Variants in ABHD3 observed in about 807,000 individuals in gnomAD.
ABHD3 encodes the protein phospholipase ABHD3.
A neutral mutation model predicts 48.8 loss-of-function variants in ABHD3; 46 were observed. That is an observed-to-expected ratio of 0.94 (90% CI 0.74 to 1.20). The LOEUF is 1.20. Among genes scored for constraint, ABHD3 ranks in the 50% most tolerant of loss-of-function variants. The pLI, the probability that ABHD3 is intolerant of heterozygous loss-of-function variation, is 0.00. For synonymous variants in ABHD3, 192 were observed against 183.7 expected, an observed-to-expected ratio of 1.04 and a Z score of -0.36; for missense variants, 490 against 497.8, an observed-to-expected ratio of 0.98 and a Z score of 0.15.
At chr18:21,660,317 C>G (rs772406029) in intron 5 of ABHD3, among the ~76,000 whole-genome samples, 10 of 151,746 alleles carry the variant, frequency 6.6e-5, no homozygotes, top group African/African-American at 1.7e-4. Flanking sequence ...CACCCTGTGG[C>G]AAGTTTCTAA....
intron 4 of ABHD3, among the ~76,000 whole-genome samples, chr18:21,672,666 G>A (rs1478787711): frequency 2.0e-5 from 3 of 152,204 alleles, no homozygotes; most frequent in Non-Finnish European, 2.9e-5. Context: ...ACAGTGTGAT[G>A]TGGTTTTCAT....
chr18:21,690,392 A>G (rs2040220634), intron 3 of ABHD3, among the ~76,000 whole-genome samples: 1 of 152,160 alleles, frequency 6.6e-6, no homozygotes, highest in Non-Finnish European at 1.5e-5. Flanking sequence ...ACTTGAGGTC[A>G]GGAGTTTGAA....
chr18:21,678,611 CTGAGT>C (rs1478671806), intron 4 of ABHD3, among the ~76,000 whole-genome samples: 9 of 120,060 alleles, frequency 7.5e-5, no homozygotes, highest in African/African-American at 3.7e-4. Flanking sequence ...CAAATCTTGG[CTGAGT>C]TATTTGTAAA....
chr18:21,667,236 T>A (rs2039654597), intron 4 of ABHD3, among the ~76,000 whole-genome samples: 1 of 61,234 alleles, frequency 1.6e-5, no homozygotes, highest in African/African-American at 1.3e-4. Context: ...ACCACACCCT[T>A]TTTTTTTTTT....
At chr18:21,684,066 G>T (rs373203665) in intron 3 of ABHD3, 101 bp from the exon 4 acceptor site, 2 of 1,060,604 alleles carry the variant, frequency 1.9e-6, no homozygotes, top group Non-Finnish European at 2.7e-6. Flanking sequence ...AGCACTAAAA[G>T]ATTTTAAAAA....
Position 21,664,231 on chromosome 18 carries a change from C to A in ABHD3, c.556-1G>T, listed in dbSNP as rs911378498. 1.9e-6 allele frequency: 3 copies of A among 1,604,636 alleles called. No individual in the cohort carries two copies. In the African/African-American group the frequency reaches 4.0e-5, roughly 22 times the overall value. ...TAGCACAACAATAAGTCCTTGGCGT[C>A]TGGAAGTAGTGACAAGTAAAGCACA... On this transcript the variant is annotated splice_acceptor_variant, in intron 4 of 8. Transcript: ENST00000289119. LOFTEE classifies it high-confidence loss of function.
At chr18:21,680,344 A>C (rs2039977930) in intron 4 of ABHD3, among the ~76,000 whole-genome samples, 1 of 152,182 alleles carries the variant, frequency 6.6e-6, no homozygotes, top group East Asian at 1.9e-4. Flanking sequence ...GTGAACTTGA[A>C]ACATCCTTGT....
chr18:21,692,139 G>A (rs568001758), intron 3 of ABHD3, among the ~76,000 whole-genome samples: 29 of 152,092 alleles, frequency 1.9e-4, no homozygotes, highest in Admixed American at 9.2e-4. Context: ...TAGTAGTGAC[G>A]GGGTTTCACC....
At chr18:21,691,023 A>G (rs966753012) in intron 3 of ABHD3, among the ~76,000 whole-genome samples, 1 of 151,182 alleles carries the variant, frequency 6.6e-6, no homozygotes, top group Non-Finnish European at 1.5e-5. Flanking sequence ...AAAAAAGAGC[A>G]AGATCTAACT....
chr18:21,688,838 GGTGA>G (rs2040182562), intron 3 of ABHD3, among the ~76,000 whole-genome samples: 1 of 152,174 alleles, frequency 6.6e-6, no homozygotes. Flanking sequence ...AAAGATATAA[GGTGA>G]GTATGTATTA....
rs770728465 is a variant in ABHD3 at position 21,704,700 on chromosome 18, G to C, written c.-35C>G. 1 of 1,382,186 alleles carries C rather than the reference G, an allele frequency of 7.2e-7. No homozygotes were observed. Among genetic ancestry groups the C allele is most frequent in the African/African-American group, 2.0e-5 (1 of 51,142 alleles). 85.6% of individuals were successfully genotyped at this position (1,382,186 alleles called of 1,614,324 possible). A position where few individuals can be genotyped will look rare whatever the true frequency, so the allele number is the denominator to read the frequency against. ...GCGCGGCGCGCGGGTCCTGCGGCGG[G>C]AGGAGAGCCGGCTGGCGAGCGGGCG... On this transcript the variant is annotated 5_prime_UTR_variant, in exon 1 of 9. Transcript: ENST00000289119.
At chr18:21,685,360 T>C (rs1225114879) in intron 3 of ABHD3, among the ~76,000 whole-genome samples, 2 of 152,238 alleles carry the variant, frequency 1.3e-5, no homozygotes, top group African/African-American at 4.8e-5. Flanking sequence ...ACCAGCTTCA[T>C]TTAATGTGGT....
chr18:21,689,185 TCTC>T (rs1029258368), intron 3 of ABHD3, among the ~76,000 whole-genome samples: 1 of 152,154 alleles, frequency 6.6e-6, no homozygotes, highest in African/African-American at 2.4e-5. Context: ...TTTTACAGCT[TCTC>T]CTTTTTTTAC....
At chr18:21,697,687 T>C (rs1256624244) in intron 3 of ABHD3, among the ~76,000 whole-genome samples, 1 of 152,214 alleles carries the variant, frequency 6.6e-6, no homozygotes, top group Non-Finnish European at 1.5e-5. Flanking sequence ...AGCCTCATTC[T>C]ATTTACCTTT....
intron 8 of ABHD3, among the ~76,000 whole-genome samples, chr18:21,654,421 A>G (rs1253366068): frequency 2.0e-5 from 3 of 152,110 alleles, no homozygotes; most frequent in South Asian, 2.1e-4. Context: ...TTGACCCTTC[A>G]TAACACTCTA....
At position 21,656,966 on chromosome 18, in the gene ABHD3, T is replaced by C; in HGVS notation, c.952A>G (p.Ile318Val). The change falls in exon 8 of 9, where the codon ATT becomes GTT. Residue 318 changes from isoleucine to valine, a missense_variant. By Grantham distance (29) the Ile-to-Val change is conservative (BLOSUM62 3). Transcript: ENST00000289119. ...FTSVMFGYQTIDDYYTDASPS... is the reference protein window; with the variant it reads ...FTSVMFGYQTVDDYYTDASPS... ...CTGGCATCAGTATAATAATCATCAA[T>C]TGTTTGGTATCCAAACATGACTGAA... The C allele has an allele frequency of 6.2e-7, 1 of 1,613,998 alleles. No homozygotes were observed. Among genetic ancestry groups the C allele is most frequent in the Non-Finnish European group, 8.5e-7 (1 of 1,179,918 alleles).
Position 21,659,248 on chromosome 18 carries a change from G to A in ABHD3, c.764C>T (p.Ser255Leu). ...GTTCAGTGGTTTTTCCAATGACTCT[G>A]AGCAAGCGAAGGTGTTCCAACCAAC... ...FSVGWNTFAC[S>L]ESLEKPLNWL... The change falls in exon 6 of 9, where the codon TCA becomes TTA. Residue 255 changes from serine to leucine, a missense_variant. Ser to Leu is a moderately radical substitution (Grantham distance 145, BLOSUM62 -2). Coordinates refer to ENST00000289119, the MANE Select transcript of ABHD3 (RefSeq NM_138340.5). The A allele has an allele frequency of 6.2e-7, 1 of 1,614,038 alleles. No homozygotes were observed. The highest frequency in any genetic ancestry group is 1.1e-5 in the South Asian group (1 of 91,052).
intron 1 of ABHD3, 111 bp from the exon 2 acceptor site, chr18:21,703,858 C>T (rs2040572558): frequency 3.2e-6 from 4 of 1,250,476 alleles, no homozygotes; most frequent in Non-Finnish European, 3.3e-6. Context: ...CCGATTACAA[C>T]TCTTTCTGGA....
At chr18:21,692,301 C>T (rs2040270058) in intron 3 of ABHD3, among the ~76,000 whole-genome samples, 1 of 152,152 alleles carries the variant, frequency 6.6e-6, no homozygotes, top group Non-Finnish European at 1.5e-5. Context: ...GATCAAATTA[C>T]TAACTTTTGT....
Sources: gnomAD v4.1 joint callset for allele counts (sites outside exome capture counted in the v4.1 genomes callset) on GRCh38, gnomAD v4.1.1 for gene constraint, MANE v1.5 for transcripts, NCBI Gene and HGNC (gene_info 2026-07-23, HGNC 2026-07-21) for gene names.